PCMT1: variants seen among roughly 807,000 people sequenced by gnomAD.
PCMT1 encodes the protein protein-L-isoaspartate(D-aspartate) O-methyltransferase.
In PCMT1, 9 loss-of-function variants were observed where a neutral mutation model predicts 29.2. The observed-to-expected ratio is 0.31, with a 90% CI of 0.19 to 0.54. PCMT1 has a LOEUF of 0.54. Among genes scored for constraint, PCMT1 ranks in the 20% least tolerant of loss-of-function variants. The pLI is 0.95. For synonymous variants in PCMT1, 98 were observed against 97.5 expected (o/e 1.00, Z -0.03); for missense variants, 184 against 282.2 (o/e 0.65, Z 2.49).
chr6:149,805,116 C>T (rs115379488), intron 7 of PCMT1, among the ~76,000 whole-genome samples: 79 of 152,236 alleles, frequency 5.2e-4, no homozygotes, highest in African/African-American at 1.9e-3. Flanking sequence ...GTGGTGTGCA[C>T]CTCTAGTTCT....
rs957964124 is a variant in PCMT1, at chr6:149,760,861, A to C, written c.56-10301A>C. 3.3e-5 allele frequency among the ~76,000 whole-genome samples: 5 copies of C among 152,274 alleles called. No individual in the cohort carries two copies. The South Asian group carries it at 1.0e-3, about 32-fold the overall frequency. On this transcript the variant is annotated intron_variant, in intron 1 of 7. Coordinates refer to ENST00000464889, the MANE Select transcript of PCMT1 (RefSeq NM_001360452.2). ...CAAGACTCCGTCTCAAAAAACAAACAAAACAAAAAGAGCATGTTCTGGAAG... is the reference window on the plus strand; with the variant it reads ...CAAGACTCCGTCTCAAAAAACAAACCAAACAAAAAGAGCATGTTCTGGAAG...
chr6:149,756,512 CTTTTTTTTTTTTTTT>C (rs61038108), intron 1 of PCMT1, among the ~76,000 whole-genome samples: 15 of 74,724 alleles, frequency 2.0e-4, no homozygotes, highest in East Asian at 3.2e-4. Context: ...CCATGACTGG[CTTTTTTTTTTTTTTT>C]TTTTTTTTTT....
intron 7 of PCMT1, among the ~76,000 whole-genome samples, chr6:149,806,895 C>A (rs893679391): frequency 2.0e-5 from 3 of 151,994 alleles, no homozygotes; most frequent in Admixed American, 1.3e-4. Flanking sequence ...CTCAAACTTT[C>A]TTCAGGATTA....
chr6:149,808,971 T>C (rs114171659), intron 7 of PCMT1, among the ~76,000 whole-genome samples: 2,355 of 148,542 alleles, frequency 0.016, 61 homozygotes, highest in African/African-American at 0.055. Flanking sequence ...ACAATATCTT[T>C]GGCTTGGGCA....
chr6:149,795,330 G>C (rs1788557535), intron 5 of PCMT1: 1 of 391,126 alleles, frequency 2.6e-6, no homozygotes, highest in Non-Finnish European at 5.0e-6. Flanking sequence ...GCAGTACTGG[G>C]AACAGCAGTA....
chr6:149,782,002 T>C (rs552493664), intron 3 of PCMT1, among the ~76,000 whole-genome samples: 2 of 152,294 alleles, frequency 1.3e-5, no homozygotes, highest in South Asian at 4.1e-4. Context: ...TCATAAAGTG[T>C]TTGTCTTTTT....
At chr6:149,795,646 A>G (rs1175526995) in intron 5 of PCMT1, 3 of 442,904 alleles carry the variant, frequency 6.8e-6, no homozygotes, top group Admixed American at 2.9e-5. Context: ...CTGGATTACT[A>G]TAAAATAGGA....
chr6:149,786,407 G>A (rs1441527370), intron 3 of PCMT1, among the ~76,000 whole-genome samples: 4 of 136,720 alleles, frequency 2.9e-5, no homozygotes, highest in Admixed American at 7.1e-5. Context: ...GGCTGGCCGG[G>A]CGGGGGCTGA....
chr6:149,773,016 G>GAAA (rs373290909), intron 2 of PCMT1, 122 bp from the exon 3 acceptor site: 1,420 of 422,756 alleles, frequency 3.4e-3, no homozygotes, highest in South Asian at 5.9e-3. Flanking sequence ...GACTGTCTCA[G>GAAA]AAAAAAAAAA....
chr6:149,771,097 AATT>A, intron 1 of PCMT1, 62 bp from the exon 2 acceptor site: 1 of 948,878 alleles, frequency 1.1e-6, no homozygotes, highest in Non-Finnish European at 1.7e-6. Flanking sequence ...CAGCTGGTGT[AATT>A]ATTCTAAAAT....
intron 1 of PCMT1, among the ~76,000 whole-genome samples, chr6:149,769,832 AAG>A (rs1787240244): frequency 7.7e-6 from 1 of 129,864 alleles, no homozygotes; most frequent in African/African-American, 3.0e-5. Flanking sequence ...GCCTGGTCTC[AAG>A]CTATCCTCCC....
intron 3 of PCMT1, among the ~76,000 whole-genome samples, chr6:149,779,062 CG>C (rs1163888822): frequency 1.3e-5 from 2 of 152,100 alleles, no homozygotes. Context: ...CACTCTGGTG[CG>C]GGGCCCGGGT....
At chr6:149,752,960 T>TCC (rs773486624) in intron 1 of PCMT1, among the ~76,000 whole-genome samples, 14 of 152,244 alleles carry the variant, frequency 9.2e-5, no homozygotes, top group Non-Finnish European at 1.8e-4. Context: ...GAATATTTAA[T>TCC]ATACATAGAT....
At chr6:149,762,990 GATAT>G in intron 1 of PCMT1, among the ~76,000 whole-genome samples, 1 of 56,602 alleles carries the variant, frequency 1.8e-5, no homozygotes, top group Non-Finnish European at 2.5e-5. Context: ...ATATATCTAT[GATAT>G]ATATGATATA....
intron 3 of PCMT1, among the ~76,000 whole-genome samples, chr6:149,775,549 T>A (rs1244190512): frequency 1.3e-5 from 2 of 151,684 alleles, no homozygotes; most frequent in Non-Finnish European, 2.9e-5. Context: ...CTACAAAAAA[T>A]TTTAAAAATT....
Position 149,762,540 on chromosome 6 carries a change from A to ATATC in PCMT1, c.56-8618_56-8615dup, listed in dbSNP as rs1345396167. Among the ~76,000 whole-genome samples the ATATC allele has an allele frequency of 1.7e-4, 2 of 11,760 alleles. 1 individual carries two copies. The allele number at this position is 11,760 out of a possible 152,430, so 7.7% of individuals were successfully genotyped here. A position where few individuals can be genotyped will look rare whatever the true frequency, so the allele number is the denominator to read the frequency against. ...TATGATATATATATCTATGATATAT[A>ATATC]TATCTATGATATATATATATCTATG... is the stretch of plus-strand genomic sequence containing the variant. On this transcript the variant is annotated intron_variant, in intron 1 of 7. Transcript: ENST00000464889.
intron 1 of PCMT1, among the ~76,000 whole-genome samples, chr6:149,758,957 A>T (rs1200399614): frequency 6.6e-6 from 1 of 152,040 alleles, no homozygotes; most frequent in East Asian, 1.9e-4. Context: ...GCTCACGACA[A>T]CCTCCACCTT....
intron 7 of PCMT1, among the ~76,000 whole-genome samples, chr6:149,808,609 G>A (rs961842042): frequency 6.6e-6 from 1 of 152,028 alleles, no homozygotes; most frequent in Non-Finnish European, 1.5e-5. Flanking sequence ...TTAATGTCTT[G>A]CAGCAGGTAA....
chr6:149,752,794 C>T (rs1786374975), intron 1 of PCMT1, among the ~76,000 whole-genome samples: 1 of 152,136 alleles, frequency 6.6e-6, no homozygotes, highest in Non-Finnish European at 1.5e-5. Context: ...TGTAATCAAT[C>T]AGGCTCTTAA....
Sources: gnomAD v4.1 joint callset for allele counts (sites outside exome capture counted in the v4.1 genomes callset) on GRCh38, gnomAD v4.1.1 for gene constraint, MANE v1.5 for transcripts, NCBI Gene and HGNC (gene_info 2026-07-23, HGNC 2026-07-21) for gene names.